KRT23: variants seen among roughly 807,000 people sequenced by gnomAD.
KRT23 encodes the protein keratin 23.
In KRT23, 38 loss-of-function variants were observed where a neutral mutation model predicts 47.6. The ratio of observed to expected loss-of-function variants is 0.80; its 90% CI spans 0.62 to 1.05. The LOEUF is 1.05. Ranked by LOEUF, KRT23 falls within the 50% of genes least tolerant of loss-of-function variation. The pLI, the probability that KRT23 is intolerant of heterozygous loss-of-function variation, is 0.00. For synonymous variants in KRT23, 191 were observed against 199.0 expected (o/e 0.96, Z 0.34); for missense variants, 503 against 529.5 (o/e 0.95, Z 0.49).
intron 2 of KRT23, among the ~76,000 whole-genome samples, chr17:40,933,597 T>C (rs1909845577): frequency 6.6e-6 from 1 of 152,224 alleles, no homozygotes; most frequent in Admixed American, 6.5e-5. Context: ...ATTGGTAATT[T>C]ATCCATTGCA....
At chr17:40,929,382 C>T (rs186784776) in intron 4 of KRT23, among the ~76,000 whole-genome samples, 53 of 152,366 alleles carry the variant, frequency 3.5e-4, no homozygotes, top group Non-Finnish European at 6.9e-4. Flanking sequence ...CATTGTCTAA[C>T]CAGCTATTCA....
At position 40,922,890 on chromosome 17, in the gene KRT23, A is replaced by C. The variant is rs1262747123; in HGVS notation, c.*99T>G. The stretch of plus-strand genomic sequence containing the variant: ...AAAATAAAAGTTTCTGAGTCTGATA[A>C]TTCCAAGGGTATCTTTTAGAACTCA... On this transcript the variant is annotated 3_prime_UTR_variant, in exon 9 of 9. Coordinates refer to ENST00000209718, the MANE Select transcript of KRT23 (RefSeq NM_015515.5). The C allele has an allele frequency of 1.1e-5, 9 of 810,292 alleles. No homozygotes were observed. The East Asian group carries it at 2.2e-4, about 20-fold the overall frequency. The allele number at this position is 810,292 out of a possible 1,614,324, so 50.2% of individuals were successfully genotyped here.
intron 2 of KRT23, among the ~76,000 whole-genome samples, chr17:40,931,913 A>AT (rs1267188977): frequency 6.6e-6 from 1 of 152,172 alleles, no homozygotes; most frequent in African/African-American, 2.4e-5. Flanking sequence ...TGAAAAAGTG[A>AT]TTTTTGCCAT....
intron 4 of KRT23, among the ~76,000 whole-genome samples, chr17:40,929,284 T>G (rs543684552): frequency 2.2e-4 from 33 of 152,276 alleles, no homozygotes; most frequent in African/African-American, 7.7e-4. Flanking sequence ...GCTTTCAAAA[T>G]CTCATCAATG....
At chr17:40,935,585 T>A (rs1309374405) in intron 2 of KRT23, among the ~76,000 whole-genome samples, 2 of 152,178 alleles carry the variant, frequency 1.3e-5, no homozygotes, top group Non-Finnish European at 2.9e-5. Context: ...TCTAGCAATA[T>A]GCCATTGTCA....
At chr17:40,929,290 C>T (rs1329716746) in intron 4 of KRT23, among the ~76,000 whole-genome samples, 1 of 152,188 alleles carries the variant, frequency 6.6e-6, no homozygotes, top group Non-Finnish European at 1.5e-5. Context: ...AAAATCTCAT[C>T]AATGCCTTGT....
In KRT23 at chr17:40,936,489, C is replaced by A. The variant is rs139361222; in HGVS notation, c.115G>T (p.Gly39Trp). 1.6e-3 allele frequency: 2,490 copies of A among 1,564,890 alleles called. 46 individuals carry two copies. In the African/African-American group the frequency reaches 0.03, roughly 19 times the overall value. The change falls in exon 2 of 9, where the codon GGG (glycine) becomes TGG (tryptophan). Residue 39 changes from glycine (G) to tryptophan (W), a missense_variant. By Grantham distance (184) the Gly-to-Trp change is radical. Transcript: ENST00000209718. ...PRAPTVHGGA[G>W]GARISLSFTT... ...AAGGACAGGGAGATGCGGGCTCCCC[C>A]CGCACCGCCATGGACGGTGGGAGCC...
chr17:40,930,712 C>T (rs1909600258), intron 3 of KRT23, among the ~76,000 whole-genome samples: 1 of 151,552 alleles, frequency 6.6e-6, no homozygotes, highest in Non-Finnish European at 1.5e-5. Flanking sequence ...TGCAGTGAGC[C>T]GAGATCACGC....
intron 1 of KRT23, 89 bp from the exon 2 acceptor site, chr17:40,937,042 AAACAAAAC>A (rs1247464977): frequency 6.3e-6 from 1 of 159,372 alleles, no homozygotes; most frequent in African/African-American, 2.4e-5. Flanking sequence ...ACCAAAACCA[AAACAAAAC>A]AACAACAACA....
chr17:40,924,326 C>T (rs562902661), intron 8 of KRT23, 146 bp downstream of exon 8: 10 of 618,074 alleles, frequency 1.6e-5, no homozygotes, highest in Middle Eastern at 2.6e-4. Context: ...TTTGTATTAG[C>T]TAATTTGTTC....
At chr17:40,934,734 C>T (rs1316289071) in intron 2 of KRT23, among the ~76,000 whole-genome samples, 1 of 152,206 alleles carries the variant, frequency 6.6e-6, no homozygotes, top group Non-Finnish European at 1.5e-5. Context: ...TTGCTGATGG[C>T]TTTGGATGGC....
In KRT23 at chr17:40,936,172, C is replaced by G. The variant is rs1264884702; in HGVS notation, c.396+36G>C. ...TCCCGAGGGTCCCCTGGCAAAGCAG[C>G]CCCATCTGGATCTCCAGGGTCACCC... is the stretch of plus-strand genomic sequence containing the variant. On this transcript the variant is annotated intron_variant, in intron 2 of 8. Transcript: ENST00000209718. 3.7e-6 allele frequency: 6 copies of G among 1,612,324 alleles called. No individual in the cohort carries two copies. In the Middle Eastern group the frequency reaches 5.0e-4, roughly 135 times the overall value.
At chr17:40,936,083 G>T in intron 2 of KRT23, 125 bp downstream of exon 2, 1 of 1,002,102 alleles carries the variant, frequency 1.0e-6, no homozygotes, top group Non-Finnish European at 1.5e-6. Context: ...CAAAACCTTT[G>T]TGCACAATTA....
intron 2 of KRT23, 50 bp downstream of exon 2, chr17:40,936,158 C>G (rs113139149): frequency 5.6e-6 from 9 of 1,605,934 alleles, no homozygotes; most frequent in African/African-American, 4.0e-5. Flanking sequence ...CCCGAGGGTC[C>G]CCTGGCAAAG....
At chr17:40,928,185 G>A in intron 6 of KRT23, 53 bp downstream of exon 6, 3 of 1,610,874 alleles carry the variant, frequency 1.9e-6, no homozygotes, top group South Asian at 1.1e-5. Context: ...GGTCTCAGAA[G>A]GCTTCGTGAA....
chr17:40,928,653 A>G (rs747356394), intron 4 of KRT23, 46 bp from the exon 5 acceptor site: 2 of 1,564,268 alleles, frequency 1.3e-6, no homozygotes, highest in Non-Finnish European at 1.7e-6. Flanking sequence ...TGACAATCAG[A>G]AGGCTGGATT....
At chr17:40,935,958 G>A (rs1910033043) in intron 2 of KRT23, among the ~76,000 whole-genome samples, 1 of 152,146 alleles carries the variant, frequency 6.6e-6, no homozygotes, top group Non-Finnish European at 1.5e-5. Flanking sequence ...ACAGTCTGTA[G>A]CACTTCTATC....
rs947977491 is a variant in KRT23, at chr17:40,928,619, C to T, written c.637-12G>A. On this transcript the variant is annotated splice_polypyrimidine_tract_variant and intron_variant, in intron 4 of 8. Coordinates refer to ENST00000209718, the MANE Select transcript of KRT23 (RefSeq NM_015515.5). ...TGCTTCTCCATTTCCTATTTAATAA[C>T]AGAGAAAGGAAATGAACCGGCTTTG... The T allele has an allele frequency of 1.2e-6, 2 of 1,608,368 alleles. No homozygotes were observed. The highest frequency in any genetic ancestry group is 1.3e-5 in the African/African-American group (1 of 74,782).
chr17:40,934,417 C>T (rs762468617), intron 2 of KRT23, among the ~76,000 whole-genome samples: 2 of 152,154 alleles, frequency 1.3e-5, no homozygotes, highest in Non-Finnish European at 2.9e-5. Flanking sequence ...GCAGGTTGCT[C>T]CCCACACCCC....
Sources: allele counts gnomAD v4.1 joint callset (sites outside exome capture counted in the v4.1 genomes callset), GRCh38; gene constraint gnomAD v4.1.1; transcripts MANE v1.5; gene names NCBI Gene and HGNC (gene_info 2026-07-23, HGNC 2026-07-21).